Variants in KIF13B observed in about 807,000 individuals in gnomAD.
KIF13B encodes the protein kinesin-like protein KIF13B.
A neutral mutation model predicts 222.0 loss-of-function variants in KIF13B; 127 were observed. The ratio of observed to expected loss-of-function variants is 0.57; its 90% CI spans 0.50 to 0.66. KIF13B has a LOEUF of 0.66. KIF13B is among the 30% of genes least tolerant of loss of function. KIF13B has a pLI of 0.00. For missense variants in KIF13B, 2,173 were observed against 2,379.0 expected, an observed-to-expected ratio of 0.91 and a Z score of 1.80; for synonymous variants, 976 against 919.0, an observed-to-expected ratio of 1.06 and a Z score of -1.12.
chr8:29,262,517 G>T (rs1816715903), intron 1 of KIF13B, among the ~76,000 whole-genome samples: 1 of 152,028 alleles, frequency 6.6e-6, no homozygotes, highest in Non-Finnish European at 1.5e-5. Flanking sequence ...GGCGACCCGG[G>T]CGAGACGCGG....
chr8:29,098,170 C>CAAAAAAAAAAAAAAA (rs147089450), intron 36 of KIF13B, among the ~76,000 whole-genome samples: 524 of 30,236 alleles, frequency 0.017, 40 homozygotes, highest in Non-Finnish European at 0.025. Context: ...GACTCCATCT[C>CAAAAAAAAAAAAAAA]AAAAAAAAAA....
chr8:29,093,176 A>G (rs533916446), intron 36 of KIF13B, among the ~76,000 whole-genome samples: 21 of 152,348 alleles, frequency 1.4e-4, no homozygotes, highest in Admixed American at 2.0e-4. Flanking sequence ...TGGCACAAGC[A>G]TTCACTTCTG....
chr8:29,155,916 C>A lies in KIF13B; in HGVS notation c.1405-60G>T, dbSNP rs1375541927. 31 of 1,322,944 alleles carry A rather than the reference C, an allele frequency of 2.3e-5. No homozygotes were observed. The East Asian group carries it at 6.8e-4, about 29-fold the overall frequency. 82.0% of individuals were successfully genotyped at this position (1,322,944 alleles called of 1,614,324 possible). A position where few individuals can be genotyped will look rare whatever the true frequency, so the allele number is the denominator to read the frequency against. The stretch of plus-strand genomic sequence containing the variant: ...ATTCTTACATATACACAATTGAAAT[C>A]ATTTACACTGAGCCCTCTTATATTG... On this transcript the variant is annotated intron_variant, in intron 13 of 39. Coordinates refer to ENST00000524189, the MANE Select transcript of KIF13B (RefSeq NM_015254.4).
chr8:29,196,163 C>T (rs980226335), intron 3 of KIF13B, 24 bp downstream of exon 3: 3 of 1,557,542 alleles, frequency 1.9e-6, no homozygotes, highest in African/African-American at 1.4e-5. Flanking sequence ...TTACAAGCAT[C>T]ACATAACAAA....
At chr8:29,159,415 G>C (rs1350669102) in intron 13 of KIF13B, among the ~76,000 whole-genome samples, 1 of 152,148 alleles carries the variant, frequency 6.6e-6, no homozygotes, top group African/African-American at 2.4e-5. Flanking sequence ...CTCCCAAAGT[G>C]CTGGGATTAC....
chr8:29,187,169 C>T (rs1021055927), intron 5 of KIF13B, among the ~76,000 whole-genome samples: 1 of 152,106 alleles, frequency 6.6e-6, no homozygotes, highest in Non-Finnish European at 1.5e-5. Context: ...GACCCCAGAG[C>T]AAATTAACTC....
At chr8:29,260,220 C>T (rs1263512718) in intron 1 of KIF13B, among the ~76,000 whole-genome samples, 1 of 152,196 alleles carries the variant, frequency 6.6e-6, no homozygotes, top group Non-Finnish European at 1.5e-5. Flanking sequence ...AATAATAAAT[C>T]AGCTAACCAC....
At chr8:29,223,354 T>C (rs1475826252) in intron 2 of KIF13B, among the ~76,000 whole-genome samples, 1 of 101,744 alleles carries the variant, frequency 9.8e-6, no homozygotes, top group Admixed American at 9.7e-5. Flanking sequence ...AACAAAAAAA[T>C]CTAAATCAAA....
At chr8:29,106,895 A>G (rs1809098353) in intron 35 of KIF13B, among the ~76,000 whole-genome samples, 1 of 152,198 alleles carries the variant, frequency 6.6e-6, no homozygotes, top group Middle Eastern at 3.4e-3. Flanking sequence ...GCCACTACTG[A>G]CCTCCTCAAG....
At chr8:29,209,654 A>G (rs556998767) in intron 2 of KIF13B, among the ~76,000 whole-genome samples, 2 of 152,292 alleles carry the variant, frequency 1.3e-5, no homozygotes, top group East Asian at 3.9e-4. Flanking sequence ...CCTCACAACT[A>G]ACCAATGAGA....
At chr8:29,094,586 T>C (rs1009895162) in intron 36 of KIF13B, among the ~76,000 whole-genome samples, 1 of 151,972 alleles carries the variant, frequency 6.6e-6, no homozygotes, top group Non-Finnish European at 1.5e-5. Context: ...TTAACTGGAG[T>C]CATGTCAATG....
At chr8:29,181,829 A>G (rs1207897711) in intron 7 of KIF13B, 90 bp downstream of exon 7, 1 of 835,178 alleles carries the variant, frequency 1.2e-6, no homozygotes, top group Non-Finnish European at 1.9e-6. Flanking sequence ...TATATATGCA[A>G]TTTTTAAAAA....
At chr8:29,246,415 G>A (rs975401509) in intron 1 of KIF13B, among the ~76,000 whole-genome samples, 6 of 149,882 alleles carry the variant, frequency 4.0e-5, no homozygotes, top group Non-Finnish European at 7.4e-5. Flanking sequence ...CACAAAATAG[G>A]TACAACTGTG....
chr8:29,120,092 G>A (rs952656904), intron 29 of KIF13B, among the ~76,000 whole-genome samples: 5 of 151,580 alleles, frequency 3.3e-5, no homozygotes, highest in South Asian at 4.2e-4. Context: ...AACTCCTAGT[G>A]GCAGAGTATA....
At chr8:29,179,181 A>G (rs1218759429) in intron 8 of KIF13B, among the ~76,000 whole-genome samples, 1 of 151,968 alleles carries the variant, frequency 6.6e-6, no homozygotes, top group African/African-American at 2.4e-5. Flanking sequence ...CAGTGGGGCA[A>G]TCATAGCTCA....
chr8:29,228,904 A>G (rs1815160823), intron 2 of KIF13B, among the ~76,000 whole-genome samples: 1 of 151,912 alleles, frequency 6.6e-6, no homozygotes, highest in African/African-American at 2.4e-5. Flanking sequence ...AGTTCATAAC[A>G]CTCCCACAAG....
chr8:29,203,280 G>C (rs777039872), intron 2 of KIF13B, among the ~76,000 whole-genome samples: 1 of 152,118 alleles, frequency 6.6e-6, no homozygotes, highest in Non-Finnish European at 1.5e-5. Flanking sequence ...ACTGACCCAG[G>C]TACCAATCTT....
intron 37 of KIF13B, among the ~76,000 whole-genome samples, chr8:29,087,266 T>C (rs1352245801): frequency 6.6e-6 from 1 of 152,234 alleles, no homozygotes; most frequent in Non-Finnish European, 1.5e-5. Flanking sequence ...GCTTGACAAG[T>C]GATGTCTACT....
Position 29,122,564 on chromosome 8 carries a change from G to C in KIF13B, c.3535+27C>G, listed in dbSNP as rs79255451. On this transcript the variant is annotated intron_variant, in intron 29 of 39. Transcript: ENST00000524189. Reference sequence around the variant, plus strand: ...GTAGGCACTAAATTTTCAGAGGTAAGCCTTCAGAAAACACCTCCTAACTTA... The same window carrying C: ...GTAGGCACTAAATTTTCAGAGGTAACCCTTCAGAAAACACCTCCTAACTTA... The C allele has an allele frequency of 8.9e-5, 141 of 1,586,534 alleles. No individual in the cohort carries two copies. The East Asian group carries it at 3.1e-3, about 35-fold the overall frequency.
Sources: gnomAD v4.1 joint callset for allele counts (sites outside exome capture counted in the v4.1 genomes callset) on GRCh38, gnomAD v4.1.1 for gene constraint, MANE v1.5 for transcripts, NCBI Gene and HGNC (gene_info 2026-07-23, HGNC 2026-07-21) for gene names.